PRUNE2: variants seen among roughly 807,000 people sequenced by gnomAD.
The protein encoded by PRUNE2 is prune homolog 2 with BCH domain.
PRUNE2 carries 164 observed loss-of-function variants against 252.0 expected under a neutral mutation model. The ratio of observed to expected loss-of-function variants is 0.65; its 90% CI spans 0.57 to 0.74. PRUNE2 has a LOEUF of 0.74. PRUNE2 is among the 30% of genes least tolerant of loss of function. The pLI, the probability that PRUNE2 is intolerant of heterozygous loss-of-function variation, is 0.00. For synonymous variants in PRUNE2, 1,292 were observed against 1,350.2 expected (o/e 0.96, Z 0.94); for missense variants, 3,495 against 3,711.0 (o/e 0.94, Z 1.51).
At chr9:76,838,131 A>G (rs1411520227) in intron 4 of PRUNE2, among the ~76,000 whole-genome samples, 2 of 149,726 alleles carry the variant, frequency 1.3e-5, no homozygotes, top group African/African-American at 4.9e-5. Flanking sequence ...TCCTTTCTGT[A>G]CTAGTTTTTA....
intron 1 of PRUNE2, among the ~76,000 whole-genome samples, chr9:76,885,523 G>A (rs1166496164): frequency 2.6e-5 from 4 of 152,126 alleles, no homozygotes; most frequent in Admixed American, 2.6e-4. Flanking sequence ...AAAGGGGAAG[G>A]AAAACAACCA....
intron 5 of PRUNE2, among the ~76,000 whole-genome samples, chr9:76,826,040 T>C (rs926422203): frequency 2.0e-5 from 3 of 152,114 alleles, no homozygotes; most frequent in Non-Finnish European, 4.4e-5. Flanking sequence ...ACTAGAGACA[T>C]GAATTAACCA....
chr9:76,850,591 C>G lies in PRUNE2; in HGVS notation c.216G>C (p.Thr72=). 1.2e-6 allele frequency: 2 copies of G among 1,614,020 alleles called. No homozygotes were observed. The highest frequency in any genetic ancestry group is 1.7e-6 in the Non-Finnish European group (2 of 1,179,912). ...TATTTAGCTCTTCTAAAATAAACCT[C>G]GTCTCGGTGAAGTAGTTGAATTCAG... ...PRTEFNYFTE[T]RFILEELNIS... is the part of the protein sequence containing the mutation. Residue 72 remains threonine, a synonymous_variant, in exon 3 of 19, where the codon ACG becomes ACC. Coordinates refer to ENST00000376718, the MANE Select transcript of PRUNE2 (RefSeq NM_015225.3).
intron 6 of PRUNE2, among the ~76,000 whole-genome samples, chr9:76,803,899 T>G (rs2056745634): frequency 1.3e-5 from 2 of 152,166 alleles, no homozygotes; most frequent in East Asian, 1.9e-4. Context: ...CTGTCAGAGC[T>G]CCTATCTTCC....
At chr9:76,838,499 G>A (rs2059191871) in intron 4 of PRUNE2, among the ~76,000 whole-genome samples, 1 of 151,944 alleles carries the variant, frequency 6.6e-6, no homozygotes, top group Admixed American at 6.6e-5. Flanking sequence ...ACAAAAATTA[G>A]TGGGGCATGG....
chr9:76,677,339 T>C lies in PRUNE2; in HGVS notation c.8277-21837A>G, dbSNP rs533977862. ...TGTCCTTAAAGAAAAAAGAAACTCC[T>C]TGATTTTCACATAGTATTTCTCTGA... On this transcript the variant is annotated intron_variant, in intron 9 of 18. Transcript: ENST00000376718. Among the ~76,000 whole-genome samples, 6 of 152,372 alleles carry C rather than the reference T, an allele frequency of 3.9e-5. No homozygotes were observed. The South Asian group carries it at 1.2e-3, about 32-fold the overall frequency.
rs888610133 is a variant in PRUNE2, at chr9:76,692,176, C to T, written c.8276+11161G>A. On this transcript the variant is annotated intron_variant, in intron 9 of 18. Transcript: ENST00000376718. ...GAGCAGTTAACTGGAAATACAGATT[C>T]GCCTCCATTTTCTGGTCACATGATC... The T allele has an allele frequency of 6.8e-5, 49 of 717,256 alleles. No individual in the cohort carries two copies. In the East Asian group the frequency reaches 1.2e-3, roughly 18 times the overall value. The allele number at this position is 717,256 out of a possible 1,614,324, so 44.4% of individuals were successfully genotyped here.
chr9:76,749,684 T>G (rs1008852470), intron 6 of PRUNE2, among the ~76,000 whole-genome samples: 1 of 152,204 alleles, frequency 6.6e-6, no homozygotes, highest in Non-Finnish European at 1.5e-5. Context: ...TTGACTTTAC[T>G]GCGTCAGGTG....
intron 6 of PRUNE2, among the ~76,000 whole-genome samples, chr9:76,816,542 C>G (rs974186383): frequency 2.0e-5 from 3 of 152,132 alleles, no homozygotes; most frequent in Non-Finnish European, 4.4e-5. Flanking sequence ...ACTTCAAATG[C>G]CTCACACCGA....
rs140971260 is a variant in PRUNE2 at position 76,897,960 on chromosome 9, G to T, written c.36+7968C>A. Among the ~76,000 whole-genome samples the T allele has an allele frequency of 5.6e-3, 850 of 152,122 alleles. 8 individuals are homozygous for T. The highest frequency in any genetic ancestry group is 0.018 in the African/African-American group (756 of 41,486). On this transcript the variant is annotated intron_variant, in intron 1 of 18. Coordinates refer to ENST00000376718, the MANE Select transcript of PRUNE2 (RefSeq NM_015225.3). The stretch of plus-strand genomic sequence containing the variant: ...GTGGCCTTTTCATGTTTTTATTACT[G>T]TGCCTGGAGATCACGTCCTCGTCTC...
At chr9:76,645,852 AT>A (rs1217272538) in intron 11 of PRUNE2, among the ~76,000 whole-genome samples, 1 of 152,130 alleles carries the variant, frequency 6.6e-6, no homozygotes, top group Non-Finnish European at 1.5e-5. Flanking sequence ...TTTACACTGC[AT>A]TTCACTTCTT....
chr9:76,758,802 T>C (rs1304298640), intron 6 of PRUNE2: 1 of 151,536 alleles, frequency 6.6e-6, no homozygotes, highest in Non-Finnish European at 1.5e-5. Context: ...ACAGGAAATT[T>C]TTGTGATGGG....
Position 76,769,672 on chromosome 9 carries a change from G to A in PRUNE2, c.756+53960C>T, listed in dbSNP as rs139870753. Among the ~76,000 whole-genome samples, 597 of 152,278 alleles carry A rather than the reference G, an allele frequency of 3.9e-3. 8 individuals carry two copies. The highest frequency in any genetic ancestry group is 0.014 in the African/African-American group (586 of 41,548). On this transcript the variant is annotated intron_variant, in intron 6 of 18. Transcript: ENST00000376718. ...ACTCCCGACATCAGGTGATCCGCCC[G>A]CCTCAGGCTCCCAAAGTGCTGAGAT... is the stretch of plus-strand genomic sequence containing the variant.
intron 4 of PRUNE2, among the ~76,000 whole-genome samples, chr9:76,838,414 G>A (rs1741130455): frequency 6.6e-6 from 1 of 151,962 alleles, no homozygotes; most frequent in Non-Finnish European, 1.5e-5. Context: ...GGGGGCCGAG[G>A]CAGGTGGATC....
chr9:76,716,815 C>T (rs1288628965), intron 6 of PRUNE2, among the ~76,000 whole-genome samples: 1 of 152,134 alleles, frequency 6.6e-6, no homozygotes, highest in East Asian at 1.9e-4. Context: ...CCCTCGCCCC[C>T]CAACCCCCCA....
intron 1 of PRUNE2, among the ~76,000 whole-genome samples, chr9:76,885,823 T>C (rs139390141): frequency 1.2e-3 from 185 of 150,098 alleles, no homozygotes; most frequent in African/African-American, 4.3e-3. Context: ...ATAGGGCTTT[T>C]ATGAAAATAA....
At chr9:76,678,103 C>A (rs978342826) in intron 9 of PRUNE2, among the ~76,000 whole-genome samples, 1 of 152,086 alleles carries the variant, frequency 6.6e-6, no homozygotes, top group African/African-American at 2.4e-5. Flanking sequence ...GGCTTGGGGG[C>A]TCATGCCTGT....
intron 1 of PRUNE2, among the ~76,000 whole-genome samples, chr9:76,860,272 T>C (rs1426222852): frequency 1.3e-5 from 2 of 152,236 alleles, no homozygotes; most frequent in South Asian, 2.1e-4. Flanking sequence ...ACTCCCTTAA[T>C]TGCTGAGGCA....
At chr9:76,695,682 T>C (rs766144750) in intron 9 of PRUNE2, among the ~76,000 whole-genome samples, 3 of 152,206 alleles carry the variant, frequency 2.0e-5, no homozygotes, top group Non-Finnish European at 4.4e-5. Flanking sequence ...CACAGTGTCA[T>C]TAGAAGCAAA....
Sources: gnomAD v4.1 joint callset for allele counts (sites outside exome capture counted in the v4.1 genomes callset) on GRCh38, gnomAD v4.1.1 for gene constraint, MANE v1.5 for transcripts, NCBI Gene and HGNC (gene_info 2026-07-23, HGNC 2026-07-21) for gene names.